NT5DC1: variants seen among roughly 807,000 people sequenced by gnomAD.
The protein encoded by NT5DC1 is 5'-nucleotidase domain containing 1.
In NT5DC1, 42 loss-of-function variants were observed where a neutral mutation model predicts 59.4. That is an observed-to-expected ratio of 0.71 (90% CI 0.55 to 0.92). The LOEUF is 0.92. Ranked by LOEUF, NT5DC1 falls within the 40% of genes least tolerant of loss-of-function variation. The pLI is 0.00. For missense variants in NT5DC1, 501 were observed against 537.1 expected, an observed-to-expected ratio of 0.93 and a Z score of 0.66; for synonymous variants, 172 against 188.1, an observed-to-expected ratio of 0.91 and a Z score of 0.70.
At chr6:116,196,247 A>C (rs1442203205) in intron 6 of NT5DC1, among the ~76,000 whole-genome samples, 10 of 151,980 alleles carry the variant, frequency 6.6e-5, no homozygotes, top group African/African-American at 2.4e-4. Context: ...CCATTTTTTA[A>C]CTGATAGATT....
At chr6:116,203,619 C>G (rs1331906225) in intron 6 of NT5DC1, among the ~76,000 whole-genome samples, 2 of 151,812 alleles carry the variant, frequency 1.3e-5, no homozygotes, top group Non-Finnish European at 2.9e-5. Context: ...ATTTATTCAT[C>G]CTACCCTTGG....
At position 116,104,443 on chromosome 6, in the gene NT5DC1, G is replaced by A. The variant is rs551798781; in HGVS notation, c.94-1801G>A. ...TGGAGAAACTCAAAAGTGCCTCAAT[G>A]AGAGGCAAATCTAAGGTGTACAATA... On this transcript the variant is annotated intron_variant, in intron 1 of 11. Transcript: ENST00000319550. 6.6e-5 allele frequency among the ~76,000 whole-genome samples: 10 copies of A among 152,266 alleles called. No individual in the cohort carries two copies. In the South Asian group the frequency reaches 1.9e-3, roughly 28 times the overall value.
intron 6 of NT5DC1, among the ~76,000 whole-genome samples, chr6:116,208,062 G>C (rs190031224): frequency 1.3e-5 from 2 of 151,940 alleles, no homozygotes; most frequent in African/African-American, 2.4e-5. Flanking sequence ...GAGCACTTCA[G>C]TCCTCAGTGT....
intron 6 of NT5DC1, among the ~76,000 whole-genome samples, chr6:116,129,718 T>C (rs757741425): frequency 6.6e-6 from 1 of 152,200 alleles, no homozygotes; most frequent in Non-Finnish European, 1.5e-5. Context: ...TCTGTTATAG[T>C]AGTGTAAAAT....
intron 8 of NT5DC1, among the ~76,000 whole-genome samples, chr6:116,228,203 A>G (rs1177815256): frequency 1.3e-5 from 2 of 152,182 alleles, no homozygotes; most frequent in Non-Finnish European, 2.9e-5. Flanking sequence ...TTGTACAGAT[A>G]TTTAGAAAAA....
At chr6:116,154,524 T>C (rs1372842964) in intron 6 of NT5DC1, among the ~76,000 whole-genome samples, 2 of 152,114 alleles carry the variant, frequency 1.3e-5, no homozygotes, top group African/African-American at 4.8e-5. Flanking sequence ...TTCCAACAAA[T>C]GCTGATGAAA....
intron 6 of NT5DC1, among the ~76,000 whole-genome samples, chr6:116,203,302 C>G (rs1781383381): frequency 6.6e-6 from 1 of 151,876 alleles, no homozygotes; most frequent in Non-Finnish European, 1.5e-5. Context: ...TATTACTTTA[C>G]TATACATTGT....
chr6:116,185,915 T>G (rs1780985486), intron 6 of NT5DC1, among the ~76,000 whole-genome samples: 1 of 152,108 alleles, frequency 6.6e-6, no homozygotes, highest in Non-Finnish European at 1.5e-5. Flanking sequence ...CTGCAAGTTG[T>G]TTCCTGAAAA....
At chr6:116,205,516 AG>A (rs749701474) in intron 6 of NT5DC1, among the ~76,000 whole-genome samples, 2 of 151,856 alleles carry the variant, frequency 1.3e-5, no homozygotes, top group Non-Finnish European at 2.9e-5. Context: ...GGAGCCCCAC[AG>A]TCTCTACACA....
At chr6:116,178,088 T>TGTGTGCGCGCGC (rs1491426656) in intron 6 of NT5DC1, among the ~76,000 whole-genome samples, 2 of 99,624 alleles carry the variant, frequency 2.0e-5, no homozygotes, top group African/African-American at 9.3e-5. Context: ...TGTGTGTGTG[T>TGTGTGCGCGCGC]GCGCGCGCGC....
chr6:116,228,643 A>T (rs2114549610), intron 8 of NT5DC1, among the ~76,000 whole-genome samples: 1 of 152,344 alleles, frequency 6.6e-6, no homozygotes, highest in Non-Finnish European at 1.5e-5. Context: ...TTTTAGAATT[A>T]AACCAAAATA....
chr6:116,196,340 A>G (rs1265450242), intron 6 of NT5DC1, among the ~76,000 whole-genome samples: 1 of 152,048 alleles, frequency 6.6e-6, no homozygotes, highest in Non-Finnish European at 1.5e-5. Context: ...GCATTGCTCT[A>G]ACTACAGCAA....
In NT5DC1 at chr6:116,115,722, CCTGCCAGGAGCTCTT is replaced by C; in HGVS notation, c.400_414del (p.Pro134_Leu138del). ...ATTACTTTTACGACAACTACTTTGA[CCTGCCAGGAGCTCTT>C]CTGTGTGCCAGGGTGGTGGACTATT... On this transcript the variant is annotated inframe_deletion, in exon 5 of 12. Coordinates refer to ENST00000319550, the MANE Select transcript of NT5DC1 (RefSeq NM_152729.3). 1 of 1,605,062 alleles carries C rather than the reference CCTGCCAGGAGCTCTT, an allele frequency of 6.2e-7. No individual in the cohort carries two copies. The highest frequency in any genetic ancestry group is 2.2e-5 in the East Asian group (1 of 44,772).
chr6:116,102,720 A>G (rs1184160295), intron 1 of NT5DC1, among the ~76,000 whole-genome samples: 1 of 152,196 alleles, frequency 6.6e-6, no homozygotes, highest in Admixed American at 6.5e-5. Context: ...TTTGGTGTGG[A>G]AATCTTTTTT....
chr6:116,142,845 A>T (rs1041868757), intron 6 of NT5DC1, among the ~76,000 whole-genome samples: 2 of 152,154 alleles, frequency 1.3e-5, no homozygotes, highest in Admixed American at 6.5e-5. Context: ...TCGTGTTCTG[A>T]TGCCTTCATT....
At chr6:116,139,226 A>AT (rs1364488701) in intron 6 of NT5DC1, among the ~76,000 whole-genome samples, 1 of 152,108 alleles carries the variant, frequency 6.6e-6, no homozygotes, top group Non-Finnish European at 1.5e-5. Context: ...CAAAGTGTGG[A>AT]TTTTTTGGGG....
At chr6:116,101,058 A>C (rs753578338) in intron 1 of NT5DC1, 35 bp downstream of exon 1, 7 of 1,463,940 alleles carry the variant, frequency 4.8e-6, no homozygotes, top group Non-Finnish European at 6.6e-6. Context: ...CACTGCGCGC[A>C]ACCTCCATGG....
At chr6:116,109,485 T>A (rs1301178465) in intron 3 of NT5DC1, among the ~76,000 whole-genome samples, 1 of 152,236 alleles carries the variant, frequency 6.6e-6, no homozygotes, top group African/African-American at 2.4e-5. Flanking sequence ...ATGAAAAGCT[T>A]TCTACAATTT....
intron 8 of NT5DC1, among the ~76,000 whole-genome samples, chr6:116,235,268 G>A (rs1782094018): frequency 6.6e-6 from 1 of 152,066 alleles, no homozygotes; most frequent in Non-Finnish European, 1.5e-5. Context: ...AGACATTTCA[G>A]TAAATAAACA....
Sources: allele counts gnomAD v4.1 joint callset (sites outside exome capture counted in the v4.1 genomes callset), GRCh38; gene constraint gnomAD v4.1.1; transcripts MANE v1.5; gene names NCBI Gene and HGNC (gene_info 2026-07-23, HGNC 2026-07-21).